Variants in MAP2K5 observed in about 807,000 individuals in gnomAD.
MAP2K5 encodes mitogen-activated protein kinase kinase 5.
A neutral mutation model predicts 83.1 loss-of-function variants in MAP2K5; 49 were observed. The observed-to-expected ratio is 0.59, with a 90% CI of 0.47 to 0.75. The LOEUF is 0.75. Among genes scored for constraint, MAP2K5 ranks in the 30% least tolerant of loss-of-function variants. MAP2K5 has a pLI of 0.00. For synonymous variants in MAP2K5, 202 were observed against 191.8 expected, an observed-to-expected ratio of 1.05 and a Z score of -0.44; for missense variants, 457 against 557.5, an observed-to-expected ratio of 0.82 and a Z score of 1.82.
chr15:67,543,428 G>C lies in MAP2K5; in HGVS notation c.93G>C (p.Trp31Cys). 6.2e-7 allele frequency: 1 copy of C among 1,614,154 alleles called. No homozygotes were observed. Among genetic ancestry groups the C allele is most frequent in the African/African-American group, 1.3e-5 (1 of 75,046 alleles). ...TCCCAAATAGTGGCGCGGTGGACTG[G>C]ACAGTGCACTCCGGGCCGCAGTTAC... The part of the protein sequence containing the change: ...IKIPNSGAVD[W>C]TVHSGPQLLF... The change falls in exon 1 of 22, where the codon TGG becomes TGC. Residue 31 changes from tryptophan to cysteine, a missense_variant. By Grantham distance (215) the Trp-to-Cys change is radical. Transcript: ENST00000178640. The surrounding 1 kb of genome is among the most constrained non-coding windows in gnomAD (Gnocchi z 4.3).
rs1183875392 is a variant in MAP2K5 at position 67,764,417 on chromosome 15, G to C, written c.1135-5185G>C. On this transcript the variant is annotated intron_variant, in intron 19 of 21. Transcript: ENST00000178640. This position sits in a 1 kb window ranked among gnomAD's most constrained non-coding sequence, Gnocchi z 4.9. ...ACTTTATGCCCCATGACCCTCGTTT[G>C]TGAACTCGCGTCTGCCAGCCAAACT... 6.6e-6 allele frequency among the ~76,000 whole-genome samples: 1 copy of C among 152,168 alleles called. No individual in the cohort carries two copies. Among genetic ancestry groups the C allele is most frequent in the Non-Finnish European group, 1.5e-5 (1 of 68,038 alleles).
chr15:67,565,115 A>C lies in MAP2K5; in HGVS notation c.252+1765A>C, dbSNP rs956697809. Among the ~76,000 whole-genome samples, 1 of 152,156 alleles carries C rather than the reference A, an allele frequency of 6.6e-6. No homozygotes were observed. The highest frequency in any genetic ancestry group is 1.5e-5 in the Non-Finnish European group (1 of 68,028). ...AGGTCTTAGAGCTAGTATGAATGTG[A>C]ATATGGAATTTAAGTTCAGTTTCTT... On this transcript the variant is annotated intron_variant, in intron 3 of 21. Transcript: ENST00000178640. The surrounding 1 kb of genome is among the most constrained non-coding windows in gnomAD (Gnocchi z 4.1).
At chr15:67,765,027 C>T (rs901125522) in intron 19 of MAP2K5, among the ~76,000 whole-genome samples, 1 of 152,102 alleles carries the variant, frequency 6.6e-6, no homozygotes, top group African/African-American at 2.4e-5. Context: ...TCCTGTGTAC[C>T]TTTCACCCAG....
intron 17 of MAP2K5, among the ~76,000 whole-genome samples, chr15:67,730,025 T>G (rs1181538875): frequency 6.6e-6 from 1 of 152,200 alleles, no homozygotes; most frequent in Non-Finnish European, 1.5e-5. Context: ...TGTCACCAAA[T>G]TGTTACTTCT....
rs186565532 is a variant in MAP2K5, at chr15:67,764,426, C to T, written c.1135-5176C>T. Among the ~76,000 whole-genome samples, 36 of 152,292 alleles carry T rather than the reference C, an allele frequency of 2.4e-4. No individual in the cohort carries two copies. The highest frequency in any genetic ancestry group is 3.4e-3 in the Middle Eastern group (1 of 294). On this transcript the variant is annotated intron_variant, in intron 19 of 21. Coordinates refer to ENST00000178640, the MANE Select transcript of MAP2K5 (RefSeq NM_145160.3). The surrounding 1 kb of genome is among the most constrained non-coding windows in gnomAD (Gnocchi z 4.9). ...CCCATGACCCTCGTTTGTGAACTCGCGTCTGCCAGCCAAACTGAACCAAAA... is the reference window on the plus strand; with the variant it reads ...CCCATGACCCTCGTTTGTGAACTCGTGTCTGCCAGCCAAACTGAACCAAAA...
intron 7 of MAP2K5, among the ~76,000 whole-genome samples, chr15:67,596,477 T>C (rs992520880): frequency 1.3e-5 from 2 of 152,210 alleles, no homozygotes; most frequent in East Asian, 3.9e-4. Context: ...AGGGGGAATA[T>C]ATATCTACTG....
chr15:67,730,726 C>T (rs1414874855), intron 17 of MAP2K5, among the ~76,000 whole-genome samples: 1 of 152,152 alleles, frequency 6.6e-6, no homozygotes, highest in African/African-American at 2.4e-5. Context: ...GTTCCTAGGA[C>T]TAGGGACAGT....
chr15:67,732,843 G>A (rs927434841), intron 17 of MAP2K5, among the ~76,000 whole-genome samples: 1 of 152,086 alleles, frequency 6.6e-6, no homozygotes, highest in Non-Finnish European at 1.5e-5. Context: ...ATCTGTCTGC[G>A]CCAGGCTTTT....
chr15:67,697,944 A>G (rs374854599), intron 15 of MAP2K5, among the ~76,000 whole-genome samples: 35 of 152,168 alleles, frequency 2.3e-4, no homozygotes, highest in Admixed American at 1.3e-3. Flanking sequence ...CTTGTAGGAG[A>G]CTTGAAAAGT....
In MAP2K5 at chr15:67,646,297, A is replaced by G; in HGVS notation, c.652A>G (p.Lys218Glu). ...QIMSELEILY[K>E]CDSSYIIGFY... ...TATGTCTGAATTGGAAATTCTTTATAAGGTAATTTTTTCATAATTTTTATT... is the reference window on the plus strand; with the variant it reads ...TATGTCTGAATTGGAAATTCTTTATGAGGTAATTTTTTCATAATTTTTATT... The change falls in exon 10 of 22, where the codon AAG becomes GAG. Residue 218 changes from lysine (K) to glutamate (E), a missense_variant and splice_region_variant. This residue lies in a region of MAP2K5 where 168 missense variants were observed against 263.0 expected (regional missense o/e 0.64). Transcript: ENST00000178640. 1 of 1,455,010 alleles carries G rather than the reference A, an allele frequency of 6.9e-7. No individual in the cohort carries two copies. Among genetic ancestry groups the G allele is most frequent in the Non-Finnish European group, 9.6e-7 (1 of 1,045,852 alleles). 90.1% of individuals were successfully genotyped at this position (1,455,010 alleles called of 1,614,324 possible).
At chr15:67,678,280 C>G (rs747221813) in intron 13 of MAP2K5, among the ~76,000 whole-genome samples, 2 of 152,092 alleles carry the variant, frequency 1.3e-5, no homozygotes, top group Non-Finnish European at 2.9e-5. Flanking sequence ...GAGTGGAGAC[C>G]GGCTAATGTG....
chr15:67,683,716 C>T (rs189996739), intron 13 of MAP2K5, among the ~76,000 whole-genome samples: 82 of 152,052 alleles, frequency 5.4e-4, no homozygotes, highest in Admixed American at 4.2e-3. Flanking sequence ...GCCGAGATCG[C>T]GCCATTGCAC....
chr15:67,727,600 G>C (rs1338024842), intron 16 of MAP2K5, among the ~76,000 whole-genome samples: 2 of 152,124 alleles, frequency 1.3e-5, no homozygotes, highest in East Asian at 1.9e-4. Context: ...TCTCTGTCTA[G>C]AAGAAACTGT....
intron 13 of MAP2K5, among the ~76,000 whole-genome samples, chr15:67,691,790 T>C (rs2088120373): frequency 6.6e-6 from 1 of 152,216 alleles, no homozygotes; most frequent in Admixed American, 6.5e-5. Flanking sequence ...TGGTGAAATC[T>C]ATGTCAATTC....
rs576414474 is a variant in MAP2K5, at chr15:67,769,742, T to C, written c.1196+79T>C. 2 of 1,387,168 alleles carry C rather than the reference T, an allele frequency of 1.4e-6. No individual in the cohort carries two copies. Among genetic ancestry groups the C allele is most frequent in the East Asian group, 4.6e-5 (2 of 43,424 alleles). 85.9% of individuals were successfully genotyped at this position (1,387,168 alleles called of 1,614,324 possible). ...AACTCGGCAGCTCCGTGAGACCTTATGGCTCTCCCTGCATCCTTTTGGAGA... is the reference window on the plus strand; with the variant it reads ...AACTCGGCAGCTCCGTGAGACCTTACGGCTCTCCCTGCATCCTTTTGGAGA... On this transcript the variant is annotated intron_variant, in intron 20 of 21. Coordinates refer to ENST00000178640, the MANE Select transcript of MAP2K5 (RefSeq NM_145160.3). The surrounding 1 kb of genome is among the most constrained non-coding windows in gnomAD (Gnocchi z 5.2).
intron 8 of MAP2K5, among the ~76,000 whole-genome samples, chr15:67,603,040 A>C (rs1486514758): frequency 1.3e-5 from 2 of 152,220 alleles, no homozygotes; most frequent in African/African-American, 4.8e-5. Flanking sequence ...AAATTATGTT[A>C]ATGTTGTTTT....
At chr15:67,671,298 A>G (rs942588450) in intron 13 of MAP2K5, among the ~76,000 whole-genome samples, 1 of 152,200 alleles carries the variant, frequency 6.6e-6, no homozygotes, top group Admixed American at 6.6e-5. Flanking sequence ...GAAAATAATA[A>G]CAATAATGAC....
At chr15:67,631,588 C>G (rs2086475240) in intron 9 of MAP2K5, among the ~76,000 whole-genome samples, 1 of 152,180 alleles carries the variant, frequency 6.6e-6, no homozygotes, top group Non-Finnish European at 1.5e-5. Flanking sequence ...AAGCACAACA[C>G]CTGCCAATAG....
intron 17 of MAP2K5, among the ~76,000 whole-genome samples, chr15:67,729,785 A>G (rs541926925): frequency 1.4e-4 from 21 of 152,244 alleles, no homozygotes; most frequent in Non-Finnish European, 2.6e-4. Context: ...AAAGAAATGG[A>G]TTACTGCCAC....
Sources: gnomAD v4.1 joint callset for allele counts (sites outside exome capture counted in the v4.1 genomes callset) on GRCh38, gnomAD v4.1.1 for gene constraint, gnomAD v4.1.1 regional missense constraint, Gnocchi (gnomAD v3.1) non-coding constraint, MANE v1.5 for transcripts, NCBI Gene and HGNC (gene_info 2026-07-23, HGNC 2026-07-21) for gene names.